MYO1H: variants seen among roughly 807,000 people sequenced by gnomAD.
MYO1H encodes myosin IH.
In MYO1H, 118 loss-of-function variants were observed where a neutral mutation model predicts 149.3. That is an observed-to-expected ratio of 0.79 (90% CI 0.68 to 0.92). The LOEUF is 0.92. Among genes scored for constraint, MYO1H ranks in the 40% least tolerant of loss-of-function variants. MYO1H has a pLI of 0.00. For synonymous variants in MYO1H, 447 were observed against 465.2 expected (o/e 0.96, Z 0.50); for missense variants, 1,212 against 1,280.7 (o/e 0.95, Z 0.82).
chr12:109,317,165 C>T, the MYO1H span, among the ~76,000 whole-genome samples: 2 of 152,206 alleles, frequency 1.3e-5, no homozygotes, highest in Non-Finnish European at 1.5e-5. Flanking sequence ...GAAACTGTCA[C>T]TTGCCTGACT....
At chr12:109,389,404 C>T (rs1429871280) in intron 2 of MYO1H, among the ~76,000 whole-genome samples, 1 of 152,054 alleles carries the variant, frequency 6.6e-6, no homozygotes, top group African/African-American at 2.4e-5. Context: ...CCAGGCCTGC[C>T]CCTGAAGGTG....
At chr12:109,327,660 C>T in the MYO1H span, among the ~76,000 whole-genome samples, 1 of 142,182 alleles carries the variant, frequency 7.0e-6, no homozygotes, top group Non-Finnish European at 1.5e-5. Flanking sequence ...GCAGGAGAAT[C>T]ACTTGAACCC....
chr12:109,334,259 T>A, the MYO1H span, among the ~76,000 whole-genome samples: 2 of 152,152 alleles, frequency 1.3e-5, no homozygotes, highest in Non-Finnish European at 2.9e-5. Context: ...CCTCAGGTGA[T>A]CTCCCTGCCC....
At chr12:109,433,231 G>A (rs533206889) in intron 20 of MYO1H, among the ~76,000 whole-genome samples, 24 of 152,276 alleles carry the variant, frequency 1.6e-4, no homozygotes, top group African/African-American at 5.5e-4. Context: ...GGAAACTTCC[G>A]CACTAAACTG....
In MYO1H at chr12:109,440,829, T is replaced by C. The variant is rs1872091064; in HGVS notation, c.2538+2T>C. 1.3e-6 allele frequency: 2 copies of C among 1,557,744 alleles called. No individual in the cohort carries two copies. The highest frequency in any genetic ancestry group is 1.4e-5 in the African/African-American group (1 of 73,270). On this transcript the variant is annotated splice_donor_variant, in intron 25 of 31. Transcript: ENST00000310903. LOFTEE classifies it high-confidence loss of function. ...ATCACAGCTGAGCGGAAAGCAATGG[T>C]AGGGACATGATGTCTGCGGTGGCCG...
upstream of MYO1H, among the ~76,000 whole-genome samples, chr12:109,346,048 A>T (rs2136988918): frequency 6.6e-6 from 1 of 152,338 alleles, no homozygotes; most frequent in South Asian, 2.1e-4. Context: ...TTGTGAATCT[A>T]TAATAGTCCC....
rs1870373809 is a variant in MYO1H, at chr12:109,406,115, A to G, written c.963+80A>G. The G allele has an allele frequency of 6.5e-6, 6 of 917,716 alleles. No homozygotes were observed. The East Asian group carries it at 1.5e-4, about 23-fold the overall frequency. The allele number at this position is 917,716 out of a possible 1,614,324, so 56.8% of individuals were successfully genotyped here. ...GCGAGGTAGCTGGGTGCCCACAGTT[A>G]GGCCCAAATATCTGGTGCCGTGCTG... is the stretch of plus-strand genomic sequence containing the variant. On this transcript the variant is annotated intron_variant, in intron 8 of 31. Transcript: ENST00000310903.
chr12:109,316,777 C>T, the MYO1H span, among the ~76,000 whole-genome samples: 10 of 152,094 alleles, frequency 6.6e-5, no homozygotes, highest in African/African-American at 2.2e-4. Flanking sequence ...GAGGTCCTAG[C>T]GCCTGACTTG....
At chr12:109,374,240 G>A (rs1350032386) in intron 1 of MYO1H, among the ~76,000 whole-genome samples, 2 of 152,154 alleles carry the variant, frequency 1.3e-5, no homozygotes. Flanking sequence ...TCCTTCTGGA[G>A]TGTGTTAAAA....
At chr12:109,431,992 A>ATTTTTTT in intron 19 of MYO1H, among the ~76,000 whole-genome samples, 1 of 85,744 alleles carries the variant, frequency 1.2e-5, no homozygotes, top group Non-Finnish European at 2.1e-5. Context: ...TAAAAAAAAA[A>ATTTTTTT]TTTTTTTTTT....
At chr12:109,407,995 G>C (rs750381060) in intron 10 of MYO1H, 82 bp downstream of exon 10, 7 of 1,587,162 alleles carry the variant, frequency 4.4e-6, no homozygotes, top group Non-Finnish European at 5.2e-6. Flanking sequence ...GAATTTGGGA[G>C]GGAGAATGAA....
At chr12:109,443,130 A>ATGTGTGTATATGTGTACG (rs1872270498) in intron 27 of MYO1H, among the ~76,000 whole-genome samples, 3 of 106,842 alleles carry the variant, frequency 2.8e-5, no homozygotes, top group Non-Finnish European at 5.6e-5. Flanking sequence ...GTGTACGTAT[A>ATGTGTGTATATGTGTACG]TATGTGTGTA....
chr12:109,440,865 T>G (rs1592821263), intron 25 of MYO1H, 38 bp downstream of exon 25: 530 of 1,046,672 alleles, frequency 5.1e-4, no homozygotes, highest in Non-Finnish European at 6.9e-4. Context: ...GTGGTGGGGG[T>G]GGGTGTAAGA....
intron 5 of MYO1H, 53 bp downstream of exon 5, chr12:109,397,865 A>G (rs1869981565): frequency 7.0e-7 from 1 of 1,429,296 alleles, no homozygotes; most frequent in African/African-American, 1.4e-5. Flanking sequence ...TTTGCCAGTG[A>G]CGGAACCCAA....
At chr12:109,351,962 A>C (rs149178855) in intron 1 of MYO1H, among the ~76,000 whole-genome samples, 400 of 152,178 alleles carry the variant, frequency 2.6e-3, no homozygotes, top group Non-Finnish European at 3.6e-3. Context: ...AGGAAACTCT[A>C]TTTTCCCTTC....
chr12:109,403,488 T>C (rs373338480), intron 6 of MYO1H, among the ~76,000 whole-genome samples: 12 of 152,348 alleles, frequency 7.9e-5, no homozygotes, highest in African/African-American at 2.9e-4. Flanking sequence ...AAATCTCTGC[T>C]TGTGATCATT....
chr12:109,405,589 C>T lies in MYO1H; in HGVS notation c.850-333C>T, dbSNP rs191626987. ...CCTCCCAAAGTGCTGGGATTACAGG[C>T]GTGAGCCACCGCGCCCGGCCATAAA... On this transcript the variant is annotated intron_variant, in intron 7 of 31. Transcript: ENST00000310903. Among the ~76,000 whole-genome samples, 236 of 152,278 alleles carry T rather than the reference C, an allele frequency of 1.5e-3. 1 individual carries two copies. The highest frequency in any genetic ancestry group is 6.8e-3 in the Middle Eastern group (2 of 294).
intron 13 of MYO1H, among the ~76,000 whole-genome samples, chr12:109,411,107 G>A (rs183784744): frequency 0.015 from 2,241 of 151,876 alleles, 26 homozygotes; most frequent in South Asian, 0.028. Flanking sequence ...ATACCACTGC[G>A]CTCCAGCCTG....
chr12:109,409,460 G>C (rs1332437020), intron 10 of MYO1H, 97 bp from the exon 11 acceptor site: 1 of 1,027,504 alleles, frequency 9.7e-7, no homozygotes, highest in South Asian at 1.3e-5. Context: ...GGACATATGA[G>C]CTTTAGCGCC....
Sources: gnomAD v4.1 joint callset for allele counts (sites outside exome capture counted in the v4.1 genomes callset) on GRCh38, gnomAD v4.1.1 for gene constraint, MANE v1.5 for transcripts, NCBI Gene and HGNC (gene_info 2026-07-23, HGNC 2026-07-21) for gene names.